The following DCDC1 variants were observed in gnomAD, a reference collection of about 807,000 sequenced individuals.
DCDC1 encodes doublecortin domain containing 1.
Under a neutral mutation model 178.3 loss-of-function variants are expected in DCDC1, and 200 were observed. That is an observed-to-expected ratio of 1.12 (90% CI 1.00 to 1.26). The LOEUF (loss-of-function observed/expected upper bound fraction) is 1.26, where lower values mean the gene tolerates loss of function less well. Ranked by LOEUF, DCDC1 falls within the 50% of genes most tolerant of loss-of-function variation. DCDC1 has a pLI of 0.00. For missense variants in DCDC1, 1,983 were observed against 1,749.2 expected, an observed-to-expected ratio of 1.13 and a Z score of -2.38; for synonymous variants, 690 against 604.8, an observed-to-expected ratio of 1.14 and a Z score of -2.07.
chr11:30,924,969 A>G (rs1011746173), intron 23 of DCDC1, among the ~76,000 whole-genome samples: 21 of 151,892 alleles, frequency 1.4e-4, no homozygotes, highest in Admixed American at 1.3e-4. Context: ...GCTACTCTGG[A>G]GGCTGAGGTG....
intron 9 of DCDC1, among the ~76,000 whole-genome samples, chr11:31,145,661 T>C (rs539383815): frequency 2.0e-5 from 3 of 152,328 alleles, no homozygotes; most frequent in Admixed American, 1.3e-4. Context: ...TATGCGGGAC[T>C]GGCCTCACTG....
At chr11:30,954,921 A>T (rs139738863) in intron 20 of DCDC1, among the ~76,000 whole-genome samples, 1 of 152,348 alleles carries the variant, frequency 6.6e-6, no homozygotes, top group East Asian at 1.9e-4. Context: ...GCTACATACA[A>T]GACAACAAAT....
chr11:31,297,708 C>A (rs1947798034), intron 6 of DCDC1, among the ~76,000 whole-genome samples: 1 of 152,136 alleles, frequency 6.6e-6, no homozygotes, highest in Non-Finnish European at 1.5e-5. Flanking sequence ...TTTCTCATCT[C>A]TAAAAATTCA....
At position 30,911,183 on chromosome 11, in the gene DCDC1, T is replaced by C. The variant is rs1484388617; in HGVS notation, c.3747+144A>G. On this transcript the variant is annotated intron_variant, in intron 28 of 38. Transcript: ENST00000684477. Reference sequence around the variant, plus strand: ...ACATGAACATGTTCAATTTAAAATCTAGGCAGACTATTGTAAATATTTTAA... The same window carrying C: ...ACATGAACATGTTCAATTTAAAATCCAGGCAGACTATTGTAAATATTTTAA... 6 of 680,616 alleles carry C rather than the reference T, an allele frequency of 8.8e-6. No homozygotes were observed. In the African/African-American group the frequency reaches 1.1e-4, roughly 12 times the overall value. The allele number at this position is 680,616 out of a possible 1,614,324, so 42.2% of individuals were successfully genotyped here.
chr11:30,893,812 AT>A (rs530117440), intron 35 of DCDC1, among the ~76,000 whole-genome samples: 10 of 152,174 alleles, frequency 6.6e-5, no homozygotes, highest in Admixed American at 2.6e-4. Flanking sequence ...ATCCTGACTG[AT>A]TAACCAATTG....
At position 31,198,853 on chromosome 11, in the gene DCDC1, T is replaced by A. The variant is rs77711571; in HGVS notation, c.1221+42597A>T. Among the ~76,000 whole-genome samples the A allele has an allele frequency of 2.0e-3, 308 of 152,188 alleles. 4 individuals are homozygous for A. Among genetic ancestry groups the A allele is most frequent in the East Asian group, 2.1e-3 (11 of 5,190 alleles). ...TGTTTCTGAACTTACAGTTCATGAT[T>A]CTTGAAGTTGCCCCCAAAAGCTGAC... On this transcript the variant is annotated intron_variant, in intron 9 of 38. Coordinates refer to ENST00000684477, the MANE Select transcript of DCDC1 (RefSeq NM_001387274.1).
chr11:31,213,259 G>C (rs950974566), intron 9 of DCDC1, among the ~76,000 whole-genome samples: 2 of 150,268 alleles, frequency 1.3e-5, no homozygotes, highest in Admixed American at 6.6e-5. Flanking sequence ...TTCTATTCAG[G>C]GTCTATTTTC....
At position 30,952,475 on chromosome 11, in the gene DCDC1, C is replaced by G. The variant is rs988767263; in HGVS notation, c.2685G>C (p.Trp895Cys). Reference protein sequence around the residue: ...NPLWNKLTYMWPVLPSGQLNE... With the variant: ...NPLWNKLTYMCPVLPSGQLNE... Reference sequence around the variant, plus strand: ...TAAGTTGGCCACTGGGAAGGACAGGCCACATGTAGGTAAGCTTGTTCCATA... The same window carrying G: ...TAAGTTGGCCACTGGGAAGGACAGGGCACATGTAGGTAAGCTTGTTCCATA... The change falls in exon 21 of 39, where the codon TGG (tryptophan) becomes TGC (cysteine). Residue 895 changes from tryptophan (W) to cysteine (C), a missense_variant. Trp to Cys is a radical substitution (Grantham distance 215). Transcript: ENST00000684477. 6.3e-7 allele frequency: 1 copy of G among 1,582,706 alleles called. No homozygotes were observed.
rs748551552 is a variant in DCDC1, at chr11:30,920,904, T to C, written c.3165A>G (p.Val1055=). 32 of 1,612,518 alleles carry C rather than the reference T, an allele frequency of 2.0e-5. No homozygotes were observed. Among genetic ancestry groups the C allele is most frequent in the Non-Finnish European group, 2.3e-5 (27 of 1,179,260 alleles). Reference sequence around the variant, plus strand: ...TATGCACAGCAAGCTTGCTTCCAGATACAATGTCACTTTGGACTTCTAAAA... The same window carrying C: ...TATGCACAGCAAGCTTGCTTCCAGACACAATGTCACTTTGGACTTCTAAAA... ...ALVLEVQSDI[V]SGSKLAVHKP... The change falls in exon 25 of 39, where the codon GTA becomes GTG. Residue 1055 remains valine (V), a synonymous_variant. Coordinates refer to ENST00000684477, the MANE Select transcript of DCDC1 (RefSeq NM_001387274.1).
chr11:31,332,942 CCTT>C (rs1436812911), intron 2 of DCDC1, among the ~76,000 whole-genome samples: 3 of 152,044 alleles, frequency 2.0e-5, no homozygotes, highest in African/African-American at 7.2e-5. Context: ...TCCTTTTTAA[CCTT>C]CTGTCTCATT....
At chr11:31,232,255 T>C (rs1295341472) in intron 9 of DCDC1, among the ~76,000 whole-genome samples, 6 of 152,208 alleles carry the variant, frequency 3.9e-5, no homozygotes, top group Non-Finnish European at 7.3e-5. Context: ...ATCATGTAAA[T>C]AGAACAATTA....
At chr11:31,290,349 T>C (rs1437108170) in intron 7 of DCDC1, among the ~76,000 whole-genome samples, 1 of 152,030 alleles carries the variant, frequency 6.6e-6, no homozygotes, top group African/African-American at 2.4e-5. Context: ...ATATTGTAAC[T>C]AATTAGAATG....
At chr11:31,108,521 T>C (rs7125218) in intron 12 of DCDC1, among the ~76,000 whole-genome samples, 35,336 of 152,058 alleles carry the variant, frequency 0.23, 4,153 homozygotes, top group South Asian at 0.26. Context: ...ATCACAGAGA[T>C]TTTGCTTTAC....
rs555599605 is a variant in DCDC1, at chr11:30,906,722, A to T, written c.3922T>A (p.Tyr1308Asn). ...IKEENIDQPG[Y>N]CYLSPDGKRK... ...TTTCCATCAGGTGAGAGATAACAGTATCCCTAAAATGGGAGACAAAGATGG... is the reference window on the plus strand; with the variant it reads ...TTTCCATCAGGTGAGAGATAACAGTTTCCCTAAAATGGGAGACAAAGATGG... The change falls in exon 30 of 39, where the codon TAC (tyrosine) becomes AAC (asparagine). Residue 1308 changes from tyrosine (Y) to asparagine (N), a missense_variant. Transcript: ENST00000684477. The T allele has an allele frequency of 5.2e-5, 84 of 1,611,544 alleles. 1 individual carries two copies. In the Admixed American group the frequency reaches 1.4e-3, roughly 26 times the overall value.
At chr11:30,947,864 T>C (rs1948147717) in intron 21 of DCDC1, among the ~76,000 whole-genome samples, 1 of 151,058 alleles carries the variant, frequency 6.6e-6, no homozygotes, top group Non-Finnish European at 1.5e-5. Context: ...AACAACTCAA[T>C]AGGAAAAAAA....
At position 30,903,668 on chromosome 11, in the gene DCDC1, T is replaced by C. The variant is rs780949272; in HGVS notation, c.4324A>G (p.Thr1442Ala). ...GTFPMLLTEC[T>A]EQLGLARAAS... is the part of the protein sequence containing the mutation. ...GCTCTGGCAAGCCCAAGTTGTTCCG[T>C]GCATTCTGTAAGAAGCTAGATAACA... is the stretch of plus-strand genomic sequence containing the variant. Residue 1442 changes from threonine (T) to alanine (A), a missense_variant, in exon 32 of 39, where the codon ACG (threonine) becomes GCG (alanine). Thr to Ala is a moderately conservative substitution (Grantham distance 58). Coordinates refer to ENST00000684477, the MANE Select transcript of DCDC1 (RefSeq NM_001387274.1). 3.7e-6 allele frequency: 6 copies of C among 1,603,718 alleles called. No homozygotes were observed. The highest frequency in any genetic ancestry group is 5.1e-6 in the Non-Finnish European group (6 of 1,174,582).
chr11:30,952,683 TA>T, intron 20 of DCDC1, 115 bp from the exon 21 acceptor site: 1 of 424,766 alleles, frequency 2.4e-6, no homozygotes. Context: ...CAGTTTGAAT[TA>T]AAAACCCAAA....
chr11:31,210,346 C>T (rs925520380), intron 9 of DCDC1, among the ~76,000 whole-genome samples: 3 of 152,100 alleles, frequency 2.0e-5, no homozygotes, highest in Admixed American at 6.5e-5. Context: ...AAAGTAGGTA[C>T]GAAAGGAATG....
chr11:31,257,273 A>G (rs1452909450), intron 8 of DCDC1, among the ~76,000 whole-genome samples: 1 of 152,210 alleles, frequency 6.6e-6, no homozygotes, highest in African/African-American at 2.4e-5. Context: ...GGATGAGATA[A>G]CATTAGATTC....
Sources: gnomAD v4.1 joint callset for allele counts (sites outside exome capture counted in the v4.1 genomes callset) on GRCh38, gnomAD v4.1.1 for gene constraint, MANE v1.5 for transcripts, NCBI Gene and HGNC (gene_info 2026-07-23, HGNC 2026-07-21) for gene names.